Variants in AP2A2 observed in about 807,000 individuals in gnomAD.
AP2A2 encodes adaptor related protein complex 2 subunit alpha 2, also known as AP-2 complex subunit alpha-2.
AP2A2 carries 32 observed loss-of-function variants against 104.2 expected under a neutral mutation model. That is an observed-to-expected ratio of 0.31 (90% confidence interval 0.23 to 0.41). The LOEUF is 0.41. Ranked by LOEUF, AP2A2 falls within the 10% of genes least tolerant of loss-of-function variation. AP2A2 has a pLI of 1.00. For synonymous variants in AP2A2, 539 were observed against 533.3 expected (o/e 1.01, Z -0.15); for missense variants, 912 against 1,261.0 (o/e 0.72, Z 4.19).
At chr11:982,589 G>T (rs557876450) in intron 6 of AP2A2, among the ~76,000 whole-genome samples, 1 of 151,030 alleles carries the variant, frequency 6.6e-6, no homozygotes, top group Non-Finnish European at 1.5e-5. Flanking sequence ...TATCTAGTTT[G>T]TCAAACAGTT....
intron 3 of AP2A2, among the ~76,000 whole-genome samples, chr11:970,642 G>A (rs1309259908): frequency 6.6e-6 from 1 of 152,264 alleles, no homozygotes; most frequent in Non-Finnish European, 1.5e-5. Context: ...AGGACTGCCC[G>A]GTTGGTCTGG....
intron 1 of AP2A2, among the ~76,000 whole-genome samples, chr11:944,309 T>A (rs1053483032): frequency 2.0e-5 from 3 of 152,194 alleles, no homozygotes; most frequent in African/African-American, 7.2e-5. Context: ...GATGTGGTGC[T>A]ATTGCTGGGT....
chr11:983,684 A>G (rs1399327611), intron 6 of AP2A2, among the ~76,000 whole-genome samples: 1 of 152,176 alleles, frequency 6.6e-6, no homozygotes, highest in Non-Finnish European at 1.5e-5. Context: ...CACCTGGCCT[A>G]GTCTCTTTTT....
intron 2 of AP2A2, among the ~76,000 whole-genome samples, chr11:960,368 G>A (rs1252248445): frequency 1.3e-5 from 2 of 150,312 alleles, no homozygotes; most frequent in African/African-American, 4.9e-5. Context: ...TCAGCCTCCC[G>A]AGTAGCTGGG....
In AP2A2 at chr11:1,009,732, C is replaced by T. The variant is rs769216111; in HGVS notation, c.2657C>T (p.Ala886Val). 2.8e-5 allele frequency: 44 copies of T among 1,560,300 alleles called. 1 individual carries two copies. Among genetic ancestry groups the T allele is most frequent in the Admixed American group, 1.1e-4 (6 of 52,250 alleles). ...CTTGAAGAAGTTGATCCTAATCCTGCGAATTTCGTGGGAGCTGGAATCATC... is the reference window on the plus strand; with the variant it reads ...CTTGAAGAAGTTGATCCTAATCCTGTGAATTTCGTGGGAGCTGGAATCATC... ...ALLEEVDPNP[A>V]NFVGAGIIHT... Residue 886 changes from alanine to valine, a missense_variant, in exon 21 of 22, where the codon GCG becomes GTG. Coordinates refer to ENST00000448903, the MANE Select transcript of AP2A2 (RefSeq NM_012305.4).
At chr11:961,740 T>C (rs10902253) in intron 2 of AP2A2, among the ~76,000 whole-genome samples, 20,911 of 40,594 alleles carry the variant, frequency 0.52, 7,885 homozygotes, top group Admixed American at 0.72. Flanking sequence ...GTGGGTCTGA[T>C]AGTCGCCGCC....
chr11:976,358 C>T (rs1030103129), intron 4 of AP2A2, among the ~76,000 whole-genome samples: 3 of 152,058 alleles, frequency 2.0e-5, no homozygotes, highest in Non-Finnish European at 4.4e-5. Context: ...GTCCCTATAC[C>T]CTTTTCTGCC....
chr11:981,332 G>A (rs368504980), intron 6 of AP2A2, 33 bp downstream of exon 6: 3 of 1,511,112 alleles, frequency 2.0e-6, no homozygotes, highest in Non-Finnish European at 2.7e-6. Context: ...AGAAGTCAGG[G>A]TGGGTTTTGT....
intron 1 of AP2A2, among the ~76,000 whole-genome samples, chr11:934,653 TG>T (rs1853394063): frequency 6.6e-6 from 1 of 152,188 alleles, no homozygotes; most frequent in South Asian, 2.1e-4. Context: ...CTTTTGTTTT[TG>T]CGTTGTGGGG....
chr11:975,414 T>C (rs1442174599), intron 4 of AP2A2, among the ~76,000 whole-genome samples: 2 of 148,022 alleles, frequency 1.4e-5, no homozygotes, highest in African/African-American at 5.1e-5. Flanking sequence ...GGGTCCTCGG[T>C]CTCCCTTGTG....
intron 4 of AP2A2, among the ~76,000 whole-genome samples, chr11:975,270 C>T (rs926530129): frequency 1.5e-4 from 23 of 151,862 alleles, no homozygotes; most frequent in African/African-American, 5.6e-4. Flanking sequence ...GTAGGGTCCT[C>T]GGTATCCCTC....
intron 21 of AP2A2, chr11:1,010,298 C>T (rs1232588402): frequency 1.7e-6 from 1 of 580,014 alleles, no homozygotes; most frequent in Admixed American, 3.0e-5. Flanking sequence ...CAAGAACATC[C>T]CACAGCTTCT....
At chr11:943,654 G>A (rs1853730085) in intron 1 of AP2A2, among the ~76,000 whole-genome samples, 1 of 152,126 alleles carries the variant, frequency 6.6e-6, no homozygotes, top group South Asian at 2.1e-4. Flanking sequence ...AACTGGAGAT[G>A]CAGGTGGCAG....
At chr11:986,113 G>C (rs1855447221) in intron 8 of AP2A2, among the ~76,000 whole-genome samples, 1 of 152,230 alleles carries the variant, frequency 6.6e-6, no homozygotes, top group African/African-American at 2.4e-5. Flanking sequence ...CGTGGGTCTT[G>C]CGTGTGGGGC....
At chr11:998,761 G>A (rs1223023796) in intron 14 of AP2A2, among the ~76,000 whole-genome samples, 2 of 152,074 alleles carry the variant, frequency 1.3e-5, no homozygotes, top group Non-Finnish European at 1.5e-5. Flanking sequence ...TCAGTGGTAC[G>A]ATCTTGGCTC....
chr11:1,005,520 C>G (rs1856174528), intron 16 of AP2A2, among the ~76,000 whole-genome samples: 1 of 152,156 alleles, frequency 6.6e-6, no homozygotes, highest in South Asian at 2.1e-4. Flanking sequence ...AGGAGAAAGA[C>G]ATAAAAAAGC....
chr11:1,010,318 C>T (rs989580766), intron 21 of AP2A2: 27 of 583,072 alleles, frequency 4.6e-5, no homozygotes, highest in Non-Finnish European at 6.7e-5. Flanking sequence ...TCCAGGTGGC[C>T]GTGCCACTTT....
intron 1 of AP2A2, among the ~76,000 whole-genome samples, chr11:941,251 T>C (rs909466828): frequency 1.3e-5 from 2 of 152,126 alleles, no homozygotes; most frequent in Non-Finnish European, 1.5e-5. Context: ...GTAGCTGGGG[T>C]GCAGCTTGCT....
At chr11:960,895 G>A (rs1292614928) in intron 2 of AP2A2, among the ~76,000 whole-genome samples, 1 of 152,110 alleles carries the variant, frequency 6.6e-6, no homozygotes, top group Non-Finnish European at 1.5e-5. Context: ...CCAACCTCAG[G>A]TGATCCACCT....
Sources: gnomAD v4.1 joint callset for allele counts (sites outside exome capture counted in the v4.1 genomes callset) on GRCh38, gnomAD v4.1.1 for gene constraint, MANE v1.5 for transcripts, NCBI Gene and HGNC (gene_info 2026-07-23, HGNC 2026-07-21) for gene names.